The following PTPRD variants were observed in gnomAD, a reference collection of about 807,000 sequenced individuals.
PTPRD encodes protein tyrosine phosphatase receptor type D.
In PTPRD, 34 loss-of-function variants were observed where a neutral mutation model predicts 214.5. That is an observed-to-expected ratio of 0.16 (90% confidence interval 0.12 to 0.21). The LOEUF (loss-of-function observed/expected upper bound fraction) is 0.21, where lower values mean the gene tolerates loss of function less well. Among genes scored for constraint, PTPRD ranks in the 10% least tolerant of loss-of-function variants. The pLI is 1.00. For synonymous variants in PTPRD, 1,128 were observed against 845.7 expected (o/e 1.33, Z -5.79); for missense variants, 2,545 against 2,398.7 (o/e 1.06, Z -1.27).
At chr9:9,406,451 A>G (rs2073403484) in intron 8 of PTPRD, among the ~76,000 whole-genome samples, 1 of 152,046 alleles carries the variant, frequency 6.6e-6, no homozygotes, top group African/African-American at 2.4e-5. Flanking sequence ...AGAAATATTA[A>G]GAAAAGCACC....
At chr9:9,773,108 G>C (rs944658329) in intron 5 of PTPRD, among the ~76,000 whole-genome samples, 1 of 152,076 alleles carries the variant, frequency 6.6e-6, no homozygotes, top group Non-Finnish European at 1.5e-5. Flanking sequence ...TGAATTTTAT[G>C]GTTTTAGATG....
chr9:10,594,332 T>C (rs1441484912), intron 2 of PTPRD, among the ~76,000 whole-genome samples: 1 of 151,964 alleles, frequency 6.6e-6, no homozygotes, highest in Non-Finnish European at 1.5e-5. Context: ...TTACTGACAC[T>C]AGAAGTGCCC....
At chr9:9,353,107 A>G (rs2052120150) in intron 9 of PTPRD, among the ~76,000 whole-genome samples, 1 of 151,940 alleles carries the variant, frequency 6.6e-6, no homozygotes, top group Non-Finnish European at 1.5e-5. Flanking sequence ...AATGTTCACT[A>G]GAGAAGTTCA....
chr9:8,458,246 ATTT>A (rs1402031460), intron 33 of PTPRD, among the ~76,000 whole-genome samples: 2 of 152,124 alleles, frequency 1.3e-5, no homozygotes, highest in African/African-American at 4.8e-5. Context: ...AAGTGAGTTG[ATTT>A]TTTAAGCACT....
chr9:8,447,664 T>C (rs1045685499), intron 34 of PTPRD, among the ~76,000 whole-genome samples: 3 of 152,140 alleles, frequency 2.0e-5, no homozygotes, highest in Non-Finnish European at 4.4e-5. Context: ...CCGGAAACAT[T>C]TTCTGTTGGT....
chr9:8,337,262 G>C (rs1307725481), intron 43 of PTPRD, among the ~76,000 whole-genome samples: 5 of 152,034 alleles, frequency 3.3e-5, no homozygotes, highest in African/African-American at 1.2e-4. Flanking sequence ...GGAATATTAT[G>C]GTGAGTGAGT....
chr9:9,333,962 A>T (rs1466104265), intron 9 of PTPRD, among the ~76,000 whole-genome samples: 1 of 151,952 alleles, frequency 6.6e-6, no homozygotes, highest in Non-Finnish European at 1.5e-5. Flanking sequence ...CGTGCGTTCC[A>T]CCAGATTAGA....
At chr9:10,336,107 G>GT (rs2096839770) in intron 3 of PTPRD, among the ~76,000 whole-genome samples, 1 of 151,746 alleles carries the variant, frequency 6.6e-6, no homozygotes, top group Non-Finnish European at 1.5e-5. Context: ...CCACGGAGCT[G>GT]AAAACTTATG....
chr9:9,054,298 G>C (rs1019814607), intron 10 of PTPRD, among the ~76,000 whole-genome samples: 2 of 152,160 alleles, frequency 1.3e-5, no homozygotes, highest in African/African-American at 4.8e-5. Context: ...AATATATTGA[G>C]ACACTTGCGT....
At chr9:10,242,783 C>T (rs1051897524) in intron 3 of PTPRD, among the ~76,000 whole-genome samples, 1 of 151,368 alleles carries the variant, frequency 6.6e-6, no homozygotes, top group Non-Finnish European at 1.5e-5. Flanking sequence ...CACAATTTTC[C>T]ACTAATTAAG....
At chr9:9,143,835 A>G (rs1265641170) in intron 10 of PTPRD, among the ~76,000 whole-genome samples, 1 of 152,214 alleles carries the variant, frequency 6.6e-6, no homozygotes, top group African/African-American at 2.4e-5. Flanking sequence ...TATAAAAACT[A>G]CTAACTTGGC....
In PTPRD at chr9:9,372,679, C is replaced by T. The variant is rs2059838840; in HGVS notation, c.-203+24770G>A. Among the ~76,000 whole-genome samples the T allele has an allele frequency of 5.3e-5, 8 of 152,040 alleles. No individual in the cohort carries two copies. The South Asian group carries it at 1.2e-3, about 24-fold the overall frequency. On this transcript the variant is annotated intron_variant, in intron 9 of 45. Transcript: ENST00000381196. ...TTACAATGTTAGCTGGTTATTTACTCGTTAGTTGATGCAGTTTCTTCCTAG... is the reference window on the plus strand; with the variant it reads ...TTACAATGTTAGCTGGTTATTTACTTGTTAGTTGATGCAGTTTCTTCCTAG...
chr9:8,820,474 T>C (rs1415415219), intron 11 of PTPRD, among the ~76,000 whole-genome samples: 1 of 152,192 alleles, frequency 6.6e-6, no homozygotes, highest in African/African-American at 2.4e-5. Context: ...ATTAGTTAAT[T>C]ATAAAATGTC....
rs192977611 is a variant in PTPRD, at chr9:9,999,908, C to A, written c.-472+33810G>T. The stretch of plus-strand genomic sequence containing the variant: ...AGGATCTTGTTTGGTAAATTCTTGT[C>A]CTAAAAGGAAATGACCGGTTGTTTA... On this transcript the variant is annotated intron_variant, in intron 4 of 45. Transcript: ENST00000381196. Among the ~76,000 whole-genome samples, 70 of 152,080 alleles carry A rather than the reference C, an allele frequency of 4.6e-4. 1 individual carries two copies. The South Asian group carries it at 0.014, about 30-fold the overall frequency.
intron 8 of PTPRD, among the ~76,000 whole-genome samples, chr9:9,431,001 T>G (rs2082878895): frequency 6.6e-6 from 1 of 152,158 alleles, no homozygotes; most frequent in African/African-American, 2.4e-5. Flanking sequence ...GGGCAAGGAC[T>G]TCATGTCTAA....
intron 4 of PTPRD, among the ~76,000 whole-genome samples, chr9:9,999,023 A>G (rs1224546090): frequency 6.6e-6 from 1 of 152,226 alleles, no homozygotes; most frequent in Non-Finnish European, 1.5e-5. Flanking sequence ...CAAAGGAAAT[A>G]GATTAGCTAA....
intron 3 of PTPRD, among the ~76,000 whole-genome samples, chr9:10,337,851 C>T (rs570543559): frequency 1.1e-4 from 17 of 151,772 alleles, no homozygotes; most frequent in African/African-American, 3.6e-4. Context: ...ACCCGTATAA[C>T]ATTTTTTTCA....
At chr9:10,352,610 A>G (rs1409311521) in intron 2 of PTPRD, among the ~76,000 whole-genome samples, 2 of 152,094 alleles carry the variant, frequency 1.3e-5, no homozygotes, top group Admixed American at 1.3e-4. Flanking sequence ...ATGTTTATTT[A>G]TAATTCCAAG....
chr9:9,248,688 G>A (rs1352861164), intron 9 of PTPRD, among the ~76,000 whole-genome samples: 1 of 151,976 alleles, frequency 6.6e-6, no homozygotes, highest in East Asian at 1.9e-4. Flanking sequence ...TCTAGCTAAG[G>A]GAATGAGAAG....
Sources: allele counts gnomAD v4.1 joint callset (sites outside exome capture counted in the v4.1 genomes callset), GRCh38; gene constraint gnomAD v4.1.1; transcripts MANE v1.5; gene names NCBI Gene and HGNC (gene_info 2026-07-23, HGNC 2026-07-21).